Variants in KRT73 observed in about 807,000 individuals in gnomAD.
The protein encoded by KRT73 is keratin 73.
Under a neutral mutation model 47.2 loss-of-function variants are expected in KRT73, and 44 were observed. The observed-to-expected ratio is 0.93, with a 90% confidence interval of 0.73 to 1.20. KRT73 has a LOEUF of 1.20. Among genes scored for constraint, KRT73 ranks in the 50% most tolerant of loss-of-function variants. The pLI is 0.00. For synonymous variants in KRT73, 285 were observed against 291.3 expected (o/e 0.98, Z 0.22); for missense variants, 713 against 704.5 (o/e 1.01, Z -0.14).
intron 8 of KRT73, 149 bp downstream of exon 8, chr12:52,609,098 C>T (rs1592241056): frequency 1.4e-6 from 1 of 711,064 alleles, no homozygotes; most frequent in South Asian, 1.6e-5. Flanking sequence ...ATGGGGAGGC[C>T]GCAGGTCTCA....
the KRT73 span, among the ~76,000 whole-genome samples, chr12:52,626,854 A>T: frequency 6.6e-6 from 1 of 152,252 alleles, no homozygotes; most frequent in Non-Finnish European, 1.5e-5. Flanking sequence ...GGTTCTCAGG[A>T]TGTAGGACTT....
chr12:52,627,781 T>A, the KRT73 span, among the ~76,000 whole-genome samples: 1 of 152,160 alleles, frequency 6.6e-6, no homozygotes, highest in Non-Finnish European at 1.5e-5. Flanking sequence ...TGAGTTTTCC[T>A]AATAGAGAGA....
At position 52,610,609 on chromosome 12, in the gene KRT73, AC is replaced by A. The variant is rs1328051973; in HGVS notation, c.1331+5del. ...CAGTTTCTTCCAGTCCCTCGGTCCCACCCACCTGCACTCCTCGCCCTCCAGC... is the reference window on the plus strand; with the variant it reads ...CAGTTTCTTCCAGTCCCTCGGTCCCACCACCTGCACTCCTCGCCCTCCAGC... On this transcript the variant is annotated splice_donor_5th_base_variant and intron_variant, in intron 7 of 8. Coordinates refer to ENST00000305748, the MANE Select transcript of KRT73 (RefSeq NM_175068.3). The A allele has an allele frequency of 5.2e-6, 7 of 1,354,804 alleles. No homozygotes were observed. The South Asian group carries it at 8.0e-5, about 15-fold the overall frequency. 83.9% of individuals were successfully genotyped at this position (1,354,804 alleles called of 1,614,324 possible). A position where few individuals can be genotyped will look rare whatever the true frequency, so the allele number is the denominator to read the frequency against.
chr12:52,610,968 G>C (rs889140409), intron 6 of KRT73, 133 bp from the exon 7 acceptor site: 3 of 907,188 alleles, frequency 3.3e-6, no homozygotes, highest in Non-Finnish European at 5.0e-6. Flanking sequence ...ACATCCAGGT[G>C]GAGTCCTGTC....
At position 52,618,444 on chromosome 12, in the gene KRT73, GC is replaced by G. The variant is rs771858764; in HGVS notation, c.80del (p.Gly27AlafsTer91). ...FSGCSAVLSGGSSSSYRAGGK... is the reference protein window; with the variant it reads ...FSGCSAVLSGXSSSSYRAGGK... Reference sequence around the variant, plus strand: ...CCCCTGCTCGGTAGGAGGATGAGCTGCCCCCTGAGAGCACAGCGGAGCAGCC... The same window carrying G: ...CCCCTGCTCGGTAGGAGGATGAGCTGCCCCTGAGAGCACAGCGGAGCAGCC... On this transcript the variant is annotated frameshift_variant, in exon 1 of 9. Transcript: ENST00000305748. LOFTEE classifies it high-confidence loss of function. The G allele has an allele frequency of 3.7e-6, 6 of 1,614,008 alleles. No homozygotes were observed. Among genetic ancestry groups the G allele is most frequent in the South Asian group, 3.3e-5 (3 of 91,064 alleles).
chr12:52,615,234 C>T, intron 3 of KRT73, 45 bp downstream of exon 3: 1 of 1,544,686 alleles, frequency 6.5e-7, no homozygotes, highest in South Asian at 1.1e-5. Context: ...CTTAGCCCAG[C>T]ACCCACTGCT....
intron 7 of KRT73, 125 bp from the exon 8 acceptor site, chr12:52,609,406 C>A: frequency 2.6e-6 from 2 of 780,524 alleles, no homozygotes; most frequent in South Asian, 1.4e-5. Context: ...CCACACTTGC[C>A]AGATGGCACT....
At chr12:52,626,237 A>G in the KRT73 span, among the ~76,000 whole-genome samples, 1 of 152,256 alleles carries the variant, frequency 6.6e-6, no homozygotes, top group Non-Finnish European at 1.5e-5. Context: ...GTTAACACAC[A>G]GTTTATGGAT....
At chr12:52,628,897 T>C in the KRT73 span, among the ~76,000 whole-genome samples, 7 of 152,176 alleles carry the variant, frequency 4.6e-5, no homozygotes, top group South Asian at 2.1e-4. Flanking sequence ...GGCAGACAGA[T>C]ACCAGGAGAG....
At position 52,608,280 on chromosome 12, in the gene KRT73, G is replaced by T; in HGVS notation, c.1539C>A (p.Thr513=). ...TGAATTCACTTGCACTCCCCAGCCTGGTCCTGGCTTCCCCACGGGGGCTAC... is the reference window on the plus strand; with the variant it reads ...TGAATTCACTTGCACTCCCCAGCCTTGTCCTGGCTTCCCCACGGGGGCTAC... The part of the protein sequence containing the change: ...GNCSPRGEAR[T]RLGSASEFRD... The change falls in exon 9 of 9, where the codon ACC becomes ACA. Residue 513 remains threonine (T), a synonymous_variant. Coordinates refer to ENST00000305748, the MANE Select transcript of KRT73 (RefSeq NM_175068.3). The T allele has an allele frequency of 6.2e-7, 1 of 1,614,048 alleles. No individual in the cohort carries two copies. Among genetic ancestry groups the T allele is most frequent in the South Asian group, 1.1e-5 (1 of 91,016 alleles).
chr12:52,621,332 G>A (rs1321566944), upstream of KRT73, among the ~76,000 whole-genome samples: 2 of 151,424 alleles, frequency 1.3e-5, no homozygotes, highest in Non-Finnish European at 2.9e-5. Context: ...AGACAGGCAG[G>A]AAATCAACTT....
chr12:52,622,102 G>A (rs1195768532), upstream of KRT73, among the ~76,000 whole-genome samples: 1 of 152,060 alleles, frequency 6.6e-6, no homozygotes, highest in Non-Finnish European at 1.5e-5. Flanking sequence ...CACTCATTGT[G>A]CCAAGAACAA....
At chr12:52,625,344 A>C in the KRT73 span, among the ~76,000 whole-genome samples, 1 of 152,216 alleles carries the variant, frequency 6.6e-6, no homozygotes, top group Admixed American at 6.5e-5. Flanking sequence ...AAACATCACA[A>C]GACTTTCACT....
chr12:52,617,681 A>G (rs1371277691), intron 1 of KRT73, among the ~76,000 whole-genome samples: 1 of 152,154 alleles, frequency 6.6e-6, no homozygotes, highest in Non-Finnish European at 1.5e-5. Context: ...TTCTCAACTC[A>G]GAGACCGCTC....
chr12:52,626,210 C>G, the KRT73 span, among the ~76,000 whole-genome samples: 1 of 152,050 alleles, frequency 6.6e-6, no homozygotes, highest in African/African-American at 2.4e-5. Flanking sequence ...TCAAAATAAC[C>G]CCATCAAGAA....
upstream of KRT73, among the ~76,000 whole-genome samples, chr12:52,619,440 C>A (rs528180566): frequency 1.3e-5 from 2 of 152,276 alleles, no homozygotes; most frequent in South Asian, 4.1e-4. Context: ...TTAGTGAGTC[C>A]TTTCTTTGTG....
chr12:52,616,404 T>C, intron 1 of KRT73, 24 bp from the exon 2 acceptor site: 1 of 1,613,142 alleles, frequency 6.2e-7, no homozygotes. Context: ...CACACATACT[T>C]AAGCAATGTG....
chr12:52,629,754 G>A, the KRT73 span, among the ~76,000 whole-genome samples: 1 of 152,206 alleles, frequency 6.6e-6, no homozygotes, highest in African/African-American at 2.4e-5. Flanking sequence ...CAACGTCAGA[G>A]GAAAGGATAC....
At chr12:52,619,992 G>A (rs77962263), upstream of KRT73, among the ~76,000 whole-genome samples, 1,516 of 151,772 alleles carry the variant, frequency 1.0e-2, 19 homozygotes, top group African/African-American at 0.035. Context: ...ATACAATATG[G>A]TTGTTTTCTA....
Sources: allele counts gnomAD v4.1 joint callset (sites outside exome capture counted in the v4.1 genomes callset), GRCh38; gene constraint gnomAD v4.1.1; transcripts MANE v1.5; gene names NCBI Gene and HGNC (gene_info 2026-07-23, HGNC 2026-07-21).